GUCY1A2: variants seen among roughly 807,000 people sequenced by gnomAD.
GUCY1A2 encodes the protein guanylate cyclase 1 soluble subunit alpha 2.
A neutral mutation model predicts 63.5 loss-of-function variants in GUCY1A2; 27 were observed. The ratio of observed to expected loss-of-function variants is 0.43; its 90% CI spans 0.31 to 0.59. The LOEUF is 0.59. Ranked by LOEUF, GUCY1A2 falls within the 20% of genes least tolerant of loss-of-function variation. GUCY1A2 has a pLI of 0.11. For synonymous variants in GUCY1A2, 364 were observed against 343.5 expected (o/e 1.06, Z -0.66); for missense variants, 768 against 913.3 (o/e 0.84, Z 2.05).
At chr11:106,764,771 T>A (rs879775203) in intron 6 of GUCY1A2, among the ~76,000 whole-genome samples, 10 of 152,042 alleles carry the variant, frequency 6.6e-5, no homozygotes, top group Non-Finnish European at 1.5e-4. Flanking sequence ...GTAATAAAAT[T>A]CTACTCTGGG....
chr11:106,793,153 G>A (rs1248241295), intron 5 of GUCY1A2, among the ~76,000 whole-genome samples: 1 of 152,084 alleles, frequency 6.6e-6, no homozygotes, highest in Non-Finnish European at 1.5e-5. Context: ...AAATAGTATG[G>A]TGATTGCATA....
chr11:106,876,965 T>G (rs1859758254), intron 4 of GUCY1A2, among the ~76,000 whole-genome samples: 1 of 152,056 alleles, frequency 6.6e-6, no homozygotes, highest in South Asian at 2.1e-4. Flanking sequence ...GAGCAATTAT[T>G]CTACATTATT....
chr11:106,788,958 G>A (rs1276454115), intron 5 of GUCY1A2, among the ~76,000 whole-genome samples: 8 of 152,170 alleles, frequency 5.3e-5, no homozygotes, highest in African/African-American at 1.9e-4. Context: ...TATTTTGATA[G>A]GAATTGCATT....
chr11:106,935,674 C>A (rs1030754930), intron 4 of GUCY1A2, among the ~76,000 whole-genome samples: 6 of 151,694 alleles, frequency 4.0e-5, no homozygotes, highest in African/African-American at 1.5e-4. Context: ...ATGGTGAAAC[C>A]CAGTCTCTAC....
intron 6 of GUCY1A2, among the ~76,000 whole-genome samples, chr11:106,744,075 T>A (rs1428181156): frequency 6.6e-6 from 1 of 151,976 alleles, no homozygotes; most frequent in Non-Finnish European, 1.5e-5. Context: ...AAATAAGGAG[T>A]ATTCCTATCA....
chr11:106,746,569 C>T (rs754245426), intron 6 of GUCY1A2: 29 of 1,591,438 alleles, frequency 1.8e-5, no homozygotes, highest in Non-Finnish European at 2.3e-5. Flanking sequence ...TACCCAAATC[C>T]GTTTCACTTT....
intron 4 of GUCY1A2, chr11:106,826,708 C>G: frequency 6.2e-7 from 1 of 1,610,102 alleles, no homozygotes; most frequent in East Asian, 2.2e-5. Flanking sequence ...AATAGAGTCT[C>G]CTGAACTCGC....
At position 106,944,215 on chromosome 11, in the gene GUCY1A2, C is replaced by CAAAAAAAAAAAAA. The variant is rs71041701; in HGVS notation, c.488-4050_488-4038dup. On this transcript the variant is annotated intron_variant, in intron 3 of 7. Coordinates refer to ENST00000526355, the MANE Select transcript of GUCY1A2 (RefSeq NM_000855.3). ...GGGCAACAGAGTGAGACCCTGTCTC[C>CAAAAAAAAAAAAA]AAAAAAAAAAAAAAAAAAAAAGCAG... Among the ~76,000 whole-genome samples, 183 of 21,564 alleles carry CAAAAAAAAAAAAA rather than the reference C, an allele frequency of 8.5e-3. 28 individuals are homozygous for CAAAAAAAAAAAAA. Among genetic ancestry groups the CAAAAAAAAAAAAA allele is most frequent in the East Asian group, 0.016 (9 of 566 alleles). The allele number at this position is 21,564 out of a possible 152,430, so 14.1% of individuals were successfully genotyped here. A position where few individuals can be genotyped will look rare whatever the true frequency, so the allele number is the denominator to read the frequency against.
intron 4 of GUCY1A2, among the ~76,000 whole-genome samples, chr11:106,926,629 C>T (rs1285247242): frequency 2.0e-5 from 3 of 151,836 alleles, no homozygotes; most frequent in African/African-American, 7.3e-5. Context: ...TATATTTAGA[C>T]TTAAAGAAGG....
At position 106,682,060 on chromosome 11, in the gene GUCY1A2, T is replaced by C. The variant is rs1460360703; in HGVS notation, c.*5489A>G. ...ACAGCTCTGGCAGTAACTAAGAAAA[T>C]GGTACTGTATCTAGTATGCCTAATA... On this transcript the variant is annotated 3_prime_UTR_variant, in exon 8 of 8. Transcript: ENST00000526355. 3 of 209,330 alleles carry C rather than the reference T, an allele frequency of 1.4e-5. No homozygotes were observed. The highest frequency in any genetic ancestry group is 4.7e-5 in the African/African-American group (2 of 42,192). 13.0% of individuals were successfully genotyped at this position (209,330 alleles called of 1,614,324 possible).
At chr11:107,016,257 G>A (rs894766637) in intron 1 of GUCY1A2, among the ~76,000 whole-genome samples, 4 of 152,260 alleles carry the variant, frequency 2.6e-5, no homozygotes, top group Non-Finnish European at 5.9e-5. Context: ...AGTCCTAGGG[G>A]TGGGCAGGTG....
intron 2 of GUCY1A2, among the ~76,000 whole-genome samples, chr11:106,983,395 G>T (rs181035287): frequency 6.0e-4 from 91 of 152,278 alleles, no homozygotes; most frequent in Non-Finnish European, 8.7e-4. Context: ...CTCCCTAACA[G>T]GAAGCCCCAT....
rs549079257 is a variant in GUCY1A2 at position 106,674,836 on chromosome 11, C to A, written c.*12713G>T. On this transcript the variant is annotated 3_prime_UTR_variant, in exon 8 of 8. Transcript: ENST00000526355. Reference sequence around the variant, plus strand: ...AAAATAATTCAGGTTAAATGAAAACCACCCCATGCAGAGGATGCTAATGAA... The same window carrying A: ...AAAATAATTCAGGTTAAATGAAAACAACCCCATGCAGAGGATGCTAATGAA... The A allele has an allele frequency of 9.2e-6, 2 of 216,644 alleles. No homozygotes were observed. Among genetic ancestry groups the A allele is most frequent in the Non-Finnish European group, 1.9e-5 (2 of 107,684 alleles). 13.4% of individuals were successfully genotyped at this position (216,644 alleles called of 1,614,324 possible).
chr11:106,777,230 C>G (rs1209445376), intron 5 of GUCY1A2, among the ~76,000 whole-genome samples: 3 of 152,028 alleles, frequency 2.0e-5, no homozygotes, highest in African/African-American at 7.2e-5. Context: ...GGCAGCGGAT[C>G]ACGAGGTCAG....
intron 3 of GUCY1A2, among the ~76,000 whole-genome samples, chr11:106,946,951 G>A (rs1012853658): frequency 2.6e-5 from 4 of 152,072 alleles, no homozygotes; most frequent in Non-Finnish European, 4.4e-5. Flanking sequence ...GGGCACAGTG[G>A]CTCACACCTG....
intron 6 of GUCY1A2, among the ~76,000 whole-genome samples, chr11:106,734,129 A>G (rs1286522240): frequency 6.6e-6 from 1 of 152,172 alleles, no homozygotes; most frequent in African/African-American, 2.4e-5. Context: ...TTTCAAATAC[A>G]CTTTTAATGA....
intron 6 of GUCY1A2, among the ~76,000 whole-genome samples, chr11:106,758,493 C>T (rs1249367600): frequency 1.3e-5 from 2 of 152,174 alleles, no homozygotes; most frequent in African/African-American, 4.8e-5. Context: ...TCGGTTCGCC[C>T]TCCATAGGCT....
chr11:106,892,370 A>C (rs973064402), intron 4 of GUCY1A2, among the ~76,000 whole-genome samples: 14 of 152,216 alleles, frequency 9.2e-5, no homozygotes, highest in African/African-American at 3.1e-4. Flanking sequence ...ATTTGCGGTC[A>C]TCATCCTAGC....
chr11:106,964,559 T>A (rs529412224), intron 3 of GUCY1A2, among the ~76,000 whole-genome samples: 23 of 152,324 alleles, frequency 1.5e-4, no homozygotes, highest in African/African-American at 5.3e-4. Context: ...TCAAAACCCT[T>A]GCTCTCTAGA....
Sources: allele counts gnomAD v4.1 joint callset (sites outside exome capture counted in the v4.1 genomes callset), GRCh38; gene constraint gnomAD v4.1.1; transcripts MANE v1.5; gene names NCBI Gene and HGNC (gene_info 2026-07-23, HGNC 2026-07-21).